The following TRIP6 variants were observed in gnomAD, a reference collection of about 807,000 sequenced individuals.
TRIP6 encodes thyroid hormone receptor interactor 6, also known as thyroid receptor-interacting protein 6.
In TRIP6, 33 loss-of-function variants were observed where a neutral mutation model predicts 51.9. That is an observed-to-expected ratio of 0.64 (90% CI 0.48 to 0.85). TRIP6 has a LOEUF of 0.85. TRIP6 is among the 40% of genes least tolerant of loss of function. The pLI, the probability that TRIP6 is intolerant of heterozygous loss-of-function variation, is 0.00. For synonymous variants in TRIP6, 255 were observed against 275.8 expected (o/e 0.92, Z 0.75); for missense variants, 661 against 652.1 (o/e 1.01, Z -0.15).
chr7:100,871,695 G>A lies in TRIP6; in HGVS notation c.1152G>A (p.Gln384=), dbSNP rs1159328578. Reference sequence around the variant, plus strand: ...CCTTCACAGTGGATGCTACGAGCCAGATCCACTGCATTGAGGACTTTCACA... The same window carrying A: ...CCTTCACAGTGGATGCTACGAGCCAAATCCACTGCATTGAGGACTTTCACA... The part of the protein sequence containing the change: ...GIPFTVDATS[Q]IHCIEDFHRK... The change falls in exon 7 of 9, where the codon CAG becomes CAA. Residue 384 remains glutamine, a synonymous_variant. Transcript: ENST00000200457. 6.2e-7 allele frequency: 1 copy of A among 1,614,078 alleles called. No homozygotes were observed. The highest frequency in any genetic ancestry group is 1.7e-5 in the Admixed American group (1 of 60,030).
In TRIP6 at chr7:100,873,220, C is replaced by T. The variant is rs755808498; in HGVS notation, c.1348C>T (p.Pro450Ser). The change falls in exon 9 of 9, where the codon CCG becomes TCG. Residue 450 changes from proline to serine, a missense_variant. Physicochemically the swap from Pro to Ser is moderately conservative, Grantham distance 74 (BLOSUM62 -1). Transcript: ENST00000200457. The stretch of plus-strand genomic sequence containing the variant: ...TGAGGGCGAGTGTCAGGGCTGCTAC[C>T]CGCTGGATGGGCACATCTTGTGCAA... ...SSEGECQGCY[P>S]LDGHILCKAC... The T allele has an allele frequency of 5.0e-6, 8 of 1,613,678 alleles. No individual in the cohort carries two copies. The South Asian group carries it at 6.6e-5, about 13-fold the overall frequency.
In TRIP6 at chr7:100,871,550, T is replaced by C. The variant is rs200712671; in HGVS notation, c.1007T>C (p.Leu336Pro). The C allele has an allele frequency of 3.1e-6, 5 of 1,613,572 alleles. No homozygotes were observed. The East Asian group carries it at 1.1e-4, about 36-fold the overall frequency. Residue 336 changes from leucine to proline, a missense_variant, in exon 7 of 9, where the codon CTG becomes CCG. Physicochemically the swap from Leu to Pro is moderately conservative, Grantham distance 98. Coordinates refer to ENST00000200457, the MANE Select transcript of TRIP6 (RefSeq NM_003302.3). ...TGCCTTCCTTCCCAACAGGCCACCC[T>C]GGAGAAATGTGCCACGTGCTCCCAG... ...AYCEGCYVAT[L>P]EKCATCSQPI...
Position 100,867,574 on chromosome 7 carries a change from G to A in TRIP6, c.77G>A (p.Gly26Asp). The part of the protein sequence containing the change: ...RAPQGRAIPR[G>D]TPGPPPAHGA... ...CCTCAGGGGAGGGCGATCCCCCGCG[G>A]CACCCCGGGGCCACCACCGGCCCAC... Residue 26 changes from glycine (G) to aspartate (D), a missense_variant, in exon 1 of 9, where the codon GGC becomes GAC. Transcript: ENST00000200457. The surrounding 1 kb of genome is among the most constrained non-coding windows in gnomAD (Gnocchi z 5.4). The A allele has an allele frequency of 6.5e-7, 1 of 1,539,458 alleles. No homozygotes were observed.
Position 100,868,131 on chromosome 7 carries a change from C to T in TRIP6, c.261C>T (p.Gly87=), listed in dbSNP as rs779829851. The T allele has an allele frequency of 2.5e-6, 4 of 1,612,596 alleles. No individual in the cohort carries two copies. Among genetic ancestry groups the T allele is most frequent in the East Asian group, 2.2e-5 (1 of 44,844 alleles). The change falls in exon 3 of 9, where the codon GGC becomes GGT. Residue 87 remains glycine, a synonymous_variant. Transcript: ENST00000200457. ...AGGGGCTCCCTGCAGACAGGGGGGG[C>T]CTTCGCCCTGGAAGCCTGGACGCCG... The part of the protein sequence containing the change: ...HTQGLPADRG[G]LRPGSLDAEI...
At position 100,867,601 on chromosome 7, in the gene TRIP6, G is replaced by A. The variant is rs1299694640; in HGVS notation, c.104G>A (p.Gly35Glu). The part of the protein sequence containing the change: ...RGTPGPPPAH[G>E]AALQPHPRVN... ...ACCCCGGGGCCACCACCGGCCCACG[G>A]AGCAGGTAAGGCAGCCCTTGTGAGA... The change falls in exon 1 of 9, where the codon GGA becomes GAA. Residue 35 changes from glycine to glutamate, a missense_variant. Coordinates refer to ENST00000200457, the MANE Select transcript of TRIP6 (RefSeq NM_003302.3). This position sits in a 1 kb window ranked among gnomAD's most constrained non-coding sequence, Gnocchi z 5.4. 3.2e-6 allele frequency: 5 copies of A among 1,540,522 alleles called. No homozygotes were observed. The highest frequency in any genetic ancestry group is 2.0e-5 in the Admixed American group (1 of 51,050).
chr7:100,872,791 C>G, intron 8 of TRIP6, 47 bp downstream of exon 8: 1 of 1,607,028 alleles, frequency 6.2e-7, no homozygotes, highest in Non-Finnish European at 8.5e-7. Flanking sequence ...GTCTAGGGTG[C>G]TGGGTAGAGC....
At chr7:100,872,322 T>C (rs1815292876) in intron 7 of TRIP6, among the ~76,000 whole-genome samples, 1 of 151,532 alleles carries the variant, frequency 6.6e-6, no homozygotes, top group African/African-American at 2.4e-5. Context: ...CGTAAGCCAC[T>C]GCACCCAGTC....
At chr7:100,868,957 GT>G in intron 4 of TRIP6, 91 bp downstream of exon 4, 2 of 1,389,374 alleles carry the variant, frequency 1.4e-6, no homozygotes, top group Non-Finnish European at 1.9e-6. Context: ...GGGCTTTTTT[GT>G]TTTTTGAGAC....
chr7:100,868,948 G>A, intron 4 of TRIP6, 82 bp downstream of exon 4: 1 of 1,403,856 alleles, frequency 7.1e-7, no homozygotes, highest in African/African-American at 1.5e-5. Flanking sequence ...TGTTTTAGGG[G>A]GCTTTTTTGT....
rs1177460426 is a variant in TRIP6 at position 100,871,543 on chromosome 7, G to A, written c.1000G>A (p.Ala334Thr). 6.2e-7 allele frequency: 1 copy of A among 1,612,878 alleles called. No homozygotes were observed. Among genetic ancestry groups the A allele is most frequent in the East Asian group, 2.2e-5 (1 of 44,852 alleles). Residue 334 changes from alanine to threonine, a missense_variant and splice_region_variant, in exon 7 of 9, where the codon GCC becomes ACC. Coordinates refer to ENST00000200457, the MANE Select transcript of TRIP6 (RefSeq NM_003302.3). ...RRAYCEGCYV[A>T]TLEKCATCSQ... ...ATCTTCCTGCCTTCCTTCCCAACAG[G>A]CCACCCTGGAGAAATGTGCCACGTG...
intron 8 of TRIP6, 39 bp from the exon 9 acceptor site, chr7:100,873,133 G>A: frequency 6.3e-7 from 1 of 1,597,304 alleles, no homozygotes; most frequent in Non-Finnish European, 8.6e-7. Flanking sequence ...ACAGGCGTGA[G>A]CCATCGCGCC....
chr7:100,867,536 G>A lies in TRIP6; in HGVS notation c.39G>A (p.Glu13=). The part of the protein sequence containing the change: ...GPTWLPPKQP[E]PARAPQGRAI... ...CCTGGCTGCCCCCGAAGCAGCCGGA[G>A]CCCGCCAGAGCCCCTCAGGGGAGGG... is the stretch of plus-strand genomic sequence containing the variant. Residue 13 remains glutamate, a synonymous_variant, in exon 1 of 9, where the codon GAG becomes GAA. Coordinates refer to ENST00000200457, the MANE Select transcript of TRIP6 (RefSeq NM_003302.3). This position sits in a 1 kb window ranked among gnomAD's most constrained non-coding sequence, Gnocchi z 5.4. 2 of 1,523,288 alleles carry A rather than the reference G, an allele frequency of 1.3e-6. No individual in the cohort carries two copies. The highest frequency in any genetic ancestry group is 1.8e-6 in the Non-Finnish European group (2 of 1,137,970). 94.4% of individuals were successfully genotyped at this position (1,523,288 alleles called of 1,614,324 possible). A position where few individuals can be genotyped will look rare whatever the true frequency, so the allele number is the denominator to read the frequency against.
chr7:100,872,232 C>A (rs1815291150), intron 7 of TRIP6, among the ~76,000 whole-genome samples: 2 of 127,158 alleles, frequency 1.6e-5, no homozygotes, highest in African/African-American at 2.9e-5. Context: ...AGGCTTTCAT[C>A]ATGTTGGCCA....
chr7:100,870,518 G>C, intron 5 of TRIP6, 55 bp downstream of exon 5: 1 of 1,606,412 alleles, frequency 6.2e-7, no homozygotes, highest in Non-Finnish European at 8.5e-7. Context: ...GGGAGACAGA[G>C]GGGACAGTGG....
Position 100,867,858 on chromosome 7 carries a change from C to G in TRIP6, c.110-3C>G. ...ACCTTTGATTTCTCTTCCCTCAACC[C>G]AGCACTCCAGCCCCACCCCAGGGTC... On this transcript the variant is annotated splice_polypyrimidine_tract_variant and splice_region_variant and intron_variant, in intron 1 of 8. Transcript: ENST00000200457. This position sits in a 1 kb window ranked among gnomAD's most constrained non-coding sequence, Gnocchi z 5.4. 6.5e-7 allele frequency: 1 copy of G among 1,542,826 alleles called. No individual in the cohort carries two copies. The highest frequency in any genetic ancestry group is 8.7e-7 in the Non-Finnish European group (1 of 1,152,472).
rs561674235 is a variant in TRIP6, at chr7:100,871,752, T to C, written c.1178+31T>C. 2.7e-5 allele frequency: 43 copies of C among 1,604,280 alleles called. 1 individual carries two copies. In the East Asian group the frequency reaches 4.5e-4, roughly 17 times the overall value. On this transcript the variant is annotated intron_variant, in intron 7 of 8. Coordinates refer to ENST00000200457, the MANE Select transcript of TRIP6 (RefSeq NM_003302.3). The stretch of plus-strand genomic sequence containing the variant: ...GCCTGGCCTCCACCTTGTCTCACAA[T>C]GTCTGACCTTTCCTGTCTCTCTCAT...
Position 100,867,623 on chromosome 7 carries a change from G to C in TRIP6, c.109+17G>C, listed in dbSNP as rs1190236285. ...ACGGAGCAGGTAAGGCAGCCCTTGTGAGACAGAAGAGCCACCCAGCTGTGG... is the reference window on the plus strand; with the variant it reads ...ACGGAGCAGGTAAGGCAGCCCTTGTCAGACAGAAGAGCCACCCAGCTGTGG... On this transcript the variant is annotated intron_variant, in intron 1 of 8. Coordinates refer to ENST00000200457, the MANE Select transcript of TRIP6 (RefSeq NM_003302.3). The surrounding 1 kb of genome is among the most constrained non-coding windows in gnomAD (Gnocchi z 5.4). 2 of 1,544,956 alleles carry C rather than the reference G, an allele frequency of 1.3e-6. No individual in the cohort carries two copies. The highest frequency in any genetic ancestry group is 3.9e-5 in the Admixed American group (2 of 51,484).
Position 100,867,421 on chromosome 7 carries a change from G to A in TRIP6, c.-77G>A. Reference sequence around the variant, plus strand: ...TTTCTTTTCTGGAGTCCCAAACGAGGTGCGGGACGGAAGAGGGGGTGAAGG... The same window carrying A: ...TTTCTTTTCTGGAGTCCCAAACGAGATGCGGGACGGAAGAGGGGGTGAAGG... On this transcript the variant is annotated 5_prime_UTR_variant, in exon 1 of 9. The change creates a new upstream start codon in the 5' untranslated region. Transcript: ENST00000200457. The surrounding 1 kb of genome is among the most constrained non-coding windows in gnomAD (Gnocchi z 5.4). 3 of 1,102,496 alleles carry A rather than the reference G, an allele frequency of 2.7e-6. No homozygotes were observed. The highest frequency in any genetic ancestry group is 3.7e-6 in the Non-Finnish European group (3 of 810,760). 68.3% of individuals were successfully genotyped at this position (1,102,496 alleles called of 1,614,324 possible).
In TRIP6 at chr7:100,870,440, A is replaced by G. The variant is rs561718803; in HGVS notation, c.806A>G (p.His269Arg). The change falls in exon 5 of 9, where the codon CAC (histidine) becomes CGC (arginine). Residue 269 changes from histidine to arginine, a missense_variant. Physicochemically the swap from His to Arg is conservative, Grantham distance 29 (BLOSUM62 0). Coordinates refer to ENST00000200457, the MANE Select transcript of TRIP6 (RefSeq NM_003302.3). ...AAGAAGCTGGTTCACGACATGAACC[A>G]CCCGCCCAGCGGGGAGTACTTTGGT... ...LTKKLVHDMN[H>R]PPSGEYFGQC... The G allele has an allele frequency of 1.3e-6, 2 of 1,595,368 alleles. No homozygotes were observed. The highest frequency in any genetic ancestry group is 2.7e-5 in the African/African-American group (2 of 73,820).
Sources: allele counts gnomAD v4.1 joint callset (sites outside exome capture counted in the v4.1 genomes callset), GRCh38; gene constraint gnomAD v4.1.1; non-coding constraint Gnocchi (gnomAD v3.1); transcripts MANE v1.5; gene names NCBI Gene and HGNC (gene_info 2026-07-23, HGNC 2026-07-21).